The following PBX3 variants were observed in gnomAD, a reference collection of about 807,000 sequenced individuals.
The protein encoded by PBX3 is PBX homeobox 3, also known as pre-B-cell leukemia transcription factor 3.
A neutral mutation model predicts 48.5 loss-of-function variants in PBX3; 14 were observed. The observed-to-expected ratio is 0.29, with a 90% CI of 0.19 to 0.45. The LOEUF is 0.45. Ranked by LOEUF, PBX3 falls within the 20% of genes least tolerant of loss-of-function variation. The pLI is 1.00. For missense variants in PBX3, 386 were observed against 546.7 expected (o/e 0.71, Z 2.93); for synonymous variants, 210 against 200.3 (o/e 1.05, Z -0.41).
At chr9:125,780,987 CTTCCT>C (rs1564651106) in intron 2 of PBX3, among the ~76,000 whole-genome samples, 21 of 107,346 alleles carry the variant, frequency 2.0e-4, no homozygotes, top group Admixed American at 6.6e-4. Context: ...GCGCTCCTCA[CTTCCT>C]AGATGGGATG....
At chr9:125,945,494 C>T (rs184618399) in intron 5 of PBX3, among the ~76,000 whole-genome samples, 80 of 152,320 alleles carry the variant, frequency 5.3e-4, no homozygotes, top group Middle Eastern at 6.8e-3. Flanking sequence ...TAGTTCCTAT[C>T]CTCCATTGTA....
chr9:125,873,209 AAAC>A (rs1411951748), intron 2 of PBX3, among the ~76,000 whole-genome samples: 1 of 152,098 alleles, frequency 6.6e-6, no homozygotes, highest in Non-Finnish European at 1.5e-5. Flanking sequence ...AAACAAAACA[AAAC>A]AAAAATTGAC....
intron 5 of PBX3, among the ~76,000 whole-genome samples, chr9:125,950,410 C>T (rs1406848790): frequency 6.6e-5 from 10 of 151,624 alleles, no homozygotes; most frequent in African/African-American, 1.9e-4. Context: ...TCTATTTGTT[C>T]GGTTCTCCCA....
chr9:125,781,829 T>C (rs1447557749), intron 2 of PBX3, among the ~76,000 whole-genome samples: 2 of 152,166 alleles, frequency 1.3e-5, no homozygotes, highest in African/African-American at 2.4e-5. Context: ...CGTAGGCATT[T>C]ATGGCTATAA....
chr9:125,932,000 A>G (rs1395222270), intron 4 of PBX3, among the ~76,000 whole-genome samples: 1 of 152,186 alleles, frequency 6.6e-6, no homozygotes, highest in African/African-American at 2.4e-5. Context: ...TCTTATTTAT[A>G]TATCACTAAA....
intron 2 of PBX3, among the ~76,000 whole-genome samples, chr9:125,795,031 A>G (rs762261497): frequency 3.9e-5 from 6 of 152,230 alleles, no homozygotes; most frequent in Non-Finnish European, 8.8e-5. Flanking sequence ...TGGTGTACAA[A>G]TAGCCACTGG....
chr9:125,908,860 G>A (rs1377828402), intron 2 of PBX3, among the ~76,000 whole-genome samples: 1 of 152,010 alleles, frequency 6.6e-6, no homozygotes, highest in African/African-American at 2.4e-5. Flanking sequence ...GAAAATGGCC[G>A]TTTCCTTTTT....
chr9:125,921,350 G>A (rs893409518), intron 3 of PBX3, among the ~76,000 whole-genome samples: 29 of 151,690 alleles, frequency 1.9e-4, no homozygotes, highest in Non-Finnish European at 3.7e-4. Flanking sequence ...TTCTTTGGAA[G>A]CAGTTTTTGT....
intron 2 of PBX3, among the ~76,000 whole-genome samples, chr9:125,878,274 G>C (rs538338789): frequency 6.6e-6 from 1 of 152,314 alleles, no homozygotes; most frequent in African/African-American, 2.4e-5. Context: ...AGCTTGGAGG[G>C]GGGTAAGAGG....
At position 125,965,737 on chromosome 9, in the gene PBX3, A is replaced by G. The variant is rs1000895884; in HGVS notation, c.1213-94A>G. On this transcript the variant is annotated intron_variant, in intron 8 of 8. Coordinates refer to ENST00000373489, the MANE Select transcript of PBX3 (RefSeq NM_006195.6). ...TTTAGAAAATACATTTTGCTAATGCATCTCTGCTCTCATGTTGTCATCCGG... is the reference window on the plus strand; with the variant it reads ...TTTAGAAAATACATTTTGCTAATGCGTCTCTGCTCTCATGTTGTCATCCGG... 7.8e-6 allele frequency: 7 copies of G among 899,202 alleles called. No individual in the cohort carries two copies. The African/African-American group carries it at 1.1e-4, about 15-fold the overall frequency. The allele number at this position is 899,202 out of a possible 1,614,324, so 55.7% of individuals were successfully genotyped here.
chr9:125,848,961 A>G (rs1326516753), intron 2 of PBX3, among the ~76,000 whole-genome samples: 3 of 151,978 alleles, frequency 2.0e-5, no homozygotes, highest in Non-Finnish European at 4.4e-5. Context: ...ACACTTATTG[A>G]ACACTTATAA....
intron 3 of PBX3, among the ~76,000 whole-genome samples, chr9:125,929,097 A>C (rs1348383537): frequency 6.6e-6 from 1 of 152,234 alleles, no homozygotes; most frequent in Non-Finnish European, 1.5e-5. Flanking sequence ...TTTAAAGCTC[A>C]ATCCGTGAAG....
At chr9:125,795,524 G>A (rs1231921957) in intron 2 of PBX3, among the ~76,000 whole-genome samples, 2 of 152,100 alleles carry the variant, frequency 1.3e-5, no homozygotes, top group Admixed American at 1.3e-4. Context: ...TGGGTTCTCA[G>A]GGTCTGGTAT....
intron 3 of PBX3, among the ~76,000 whole-genome samples, chr9:125,928,413 TG>T (rs1439586301): frequency 6.7e-6 from 1 of 148,354 alleles, no homozygotes; most frequent in African/African-American, 2.6e-5. Context: ...TGTGTGTGTG[TG>T]TGTGTGTGTT....
At chr9:125,950,086 T>C (rs1842160542) in intron 5 of PBX3, among the ~76,000 whole-genome samples, 1 of 152,182 alleles carries the variant, frequency 6.6e-6, no homozygotes, top group Non-Finnish European at 1.5e-5. Context: ...AAAAAAAAAC[T>C]CTTAACTGTA....
chr9:125,789,547 G>A (rs1334938108), intron 2 of PBX3, among the ~76,000 whole-genome samples: 1 of 152,148 alleles, frequency 6.6e-6, no homozygotes, highest in Non-Finnish European at 1.5e-5. Flanking sequence ...TTCCCTCAGA[G>A]TGAGTGAGTG....
chr9:125,900,342 C>A (rs959248902), intron 2 of PBX3, among the ~76,000 whole-genome samples: 1 of 151,018 alleles, frequency 6.6e-6, no homozygotes, highest in Non-Finnish European at 1.5e-5. Flanking sequence ...AGACCTGGAC[C>A]ACTTATTGTA....
At position 125,966,002 on chromosome 9, in the gene PBX3, TG is replaced by T; in HGVS notation, c.*80del. ...AATAGGAGGAAAAGGAAAGCGTTTT[TG>T]TAGCCCACCATCTACAGCTTTACTG... On this transcript the variant is annotated 3_prime_UTR_variant, in exon 9 of 9. Transcript: ENST00000373489. The T allele has an allele frequency of 1.0e-6, 1 of 992,816 alleles. No homozygotes were observed. The highest frequency in any genetic ancestry group is 1.6e-6 in the Non-Finnish European group (1 of 629,080). 61.5% of individuals were successfully genotyped at this position (992,816 alleles called of 1,614,324 possible).
intron 2 of PBX3, among the ~76,000 whole-genome samples, chr9:125,899,450 TATATAGAG>T (rs1173184430): frequency 4.2e-4 from 33 of 79,336 alleles, no homozygotes; most frequent in African/African-American, 1.7e-3. Flanking sequence ...TGTATATATA[TATATAGAG>T]AGAGAGAGAG....
Sources: gnomAD v4.1 joint callset for allele counts (sites outside exome capture counted in the v4.1 genomes callset) on GRCh38, gnomAD v4.1.1 for gene constraint, MANE v1.5 for transcripts, NCBI Gene and HGNC (gene_info 2026-07-23, HGNC 2026-07-21) for gene names.